The following TNN variants were observed in gnomAD, a reference collection of about 807,000 sequenced individuals.
The protein encoded by TNN is tenascin-N.
TNN carries 122 observed loss-of-function variants against 134.4 expected under a neutral mutation model. That is an observed-to-expected ratio of 0.91 (90% CI 0.78 to 1.06). TNN has a LOEUF of 1.06. Among genes scored for constraint, TNN ranks in the 50% least tolerant of loss-of-function variants. The pLI is 0.00. For missense variants in TNN, 1,739 were observed against 1,699.4 expected (o/e 1.02, Z -0.41); for synonymous variants, 710 against 670.3 (o/e 1.06, Z -0.91).
At chr1:175,119,539 C>A (rs1675288901) in intron 11 of TNN, among the ~76,000 whole-genome samples, 1 of 152,086 alleles carries the variant, frequency 6.6e-6, no homozygotes, top group Admixed American at 6.5e-5. Context: ...CTTATTTGAC[C>A]CAGTTCCTAT....
intron 4 of TNN, among the ~76,000 whole-genome samples, chr1:175,081,492 G>T (rs1674197636): frequency 6.6e-6 from 1 of 152,194 alleles, no homozygotes; most frequent in African/African-American, 2.4e-5. Flanking sequence ...GATACAGATG[G>T]ATGGAACTTT....
rs541582979 is a variant in TNN, at chr1:175,093,332, C to G, written c.1325-658C>G. ...GATATGTTCTTGGGAAGCACAGTCTCTAGGACACAGCTGGCATATTGTTCT... is the reference window on the plus strand; with the variant it reads ...GATATGTTCTTGGGAAGCACAGTCTGTAGGACACAGCTGGCATATTGTTCT... On this transcript the variant is annotated intron_variant, in intron 6 of 18. Coordinates refer to ENST00000239462, the MANE Select transcript of TNN (RefSeq NM_022093.2). Among the ~76,000 whole-genome samples, 4 of 152,326 alleles carry G rather than the reference C, an allele frequency of 2.6e-5. No homozygotes were observed. The East Asian group carries it at 7.7e-4, about 29-fold the overall frequency.
At chr1:175,118,516 T>C in intron 10 of TNN, 45 bp from the exon 11 acceptor site, 1 of 1,607,394 alleles carries the variant, frequency 6.2e-7, no homozygotes, top group Non-Finnish European at 8.5e-7. Context: ...TTCTGCACTC[T>C]GGCACCTGTT....
chr1:175,140,478 C>A (rs1675919775), intron 17 of TNN, among the ~76,000 whole-genome samples: 1 of 152,226 alleles, frequency 6.6e-6, no homozygotes, highest in African/African-American at 2.4e-5. Context: ...CATTTCCTTT[C>A]CCTTGGCCAT....
rs1390304710 is a variant in TNN at position 175,147,025 on chromosome 1, TG to T, written c.3857del (p.Gly1286AlafsTer7). 6.2e-7 allele frequency: 1 copy of T among 1,601,696 alleles called. No homozygotes were observed. The highest frequency in any genetic ancestry group is 2.2e-5 in the East Asian group (1 of 44,554). ...CATGGCTACAGCAGGGAGCCTGTCC[TG>T]GGCAGAAAGAAGCGGACGCTGAGAG... ...RPHGYSREPVLGRKKRTLRGR... is the reference protein window; with the variant it reads ...RPHGYSREPVXGRKKRTLRGR... On this transcript the variant is annotated frameshift_variant, in exon 19 of 19. Transcript: ENST00000239462. LOFTEE classifies it high-confidence loss of function.
At chr1:175,067,985 C>T (rs527994165) in intron 1 of TNN, 50 bp downstream of exon 1, 1 of 457,492 alleles carries the variant, frequency 2.2e-6, no homozygotes, top group South Asian at 1.5e-5. Context: ...AGGGAGGTGG[C>T]CAATGCAGAT....
Position 175,079,715 on chromosome 1 carries a change from C to T in TNN, c.784+8C>T, listed in dbSNP as rs371239016. The T allele has an allele frequency of 2.1e-4, 336 of 1,571,722 alleles. No individual in the cohort carries two copies. The African/African-American group carries it at 3.8e-3, about 18-fold the overall frequency. On this transcript the variant is annotated splice_region_variant and intron_variant, in intron 3 of 18. Transcript: ENST00000239462. ...GCCTGGACTGTGCCCAGGGTGAGAG[C>T]GGAGATGTGCCCTCGGGCCGCCGGA...
At chr1:175,094,278 T>C in intron 7 of TNN, 25 bp downstream of exon 7, 1 of 1,531,938 alleles carries the variant, frequency 6.5e-7, no homozygotes, top group Non-Finnish European at 8.8e-7. Flanking sequence ...GGAGCATAAA[T>C]AGGTTTCCTC....
intron 15 of TNN, 38 bp downstream of exon 15, chr1:175,128,784 C>G: frequency 6.4e-7 from 1 of 1,569,194 alleles, no homozygotes; most frequent in East Asian, 2.3e-5. Context: ...CTGTGTAGGG[C>G]CTTCCTTCTC....
intron 5 of TNN, among the ~76,000 whole-genome samples, chr1:175,085,053 A>C (rs1674292124): frequency 1.3e-5 from 2 of 152,218 alleles, no homozygotes; most frequent in South Asian, 4.1e-4. Context: ...GATGCTTTGG[A>C]AGGAAAAGGG....
intron 12 of TNN, among the ~76,000 whole-genome samples, chr1:175,126,159 T>C (rs1234425140): frequency 6.7e-6 from 1 of 149,052 alleles, no homozygotes; most frequent in East Asian, 1.9e-4. Context: ...TGGAGTGCAG[T>C]GACGTGATCT....
intron 6 of TNN, 115 bp from the exon 7 acceptor site, chr1:175,093,875 G>T: frequency 9.3e-7 from 1 of 1,079,916 alleles, no homozygotes; most frequent in East Asian, 2.5e-5. Context: ...AGACCCCCTT[G>T]TATTGCATAA....
At chr1:175,076,428 C>T (rs914418958) in intron 1 of TNN, among the ~76,000 whole-genome samples, 10 of 152,160 alleles carry the variant, frequency 6.6e-5, no homozygotes. Flanking sequence ...GGCTCACGGC[C>T]TAAGACAAGC....
At chr1:175,097,200 C>G (rs1674590952) in intron 7 of TNN, among the ~76,000 whole-genome samples, 1 of 152,182 alleles carries the variant, frequency 6.6e-6, no homozygotes, top group South Asian at 2.1e-4. Context: ...GATAAAGATG[C>G]TGGCTTTGTC....
At chr1:175,094,423 A>G (rs535372987) in intron 7 of TNN, among the ~76,000 whole-genome samples, 170 bp downstream of exon 7, 50 of 152,318 alleles carry the variant, frequency 3.3e-4, no homozygotes, top group African/African-American at 1.2e-3. Context: ...TTCCTTTTTA[A>G]CATCAAACAA....
chr1:175,111,146 C>T (rs1295354732), intron 9 of TNN, among the ~76,000 whole-genome samples: 2 of 152,078 alleles, frequency 1.3e-5, no homozygotes, highest in African/African-American at 2.4e-5. Flanking sequence ...GGTGAAACTC[C>T]GTCTCTACTA....
At chr1:175,107,028 C>T (rs115275658) in intron 9 of TNN, among the ~76,000 whole-genome samples, 5,480 of 145,906 alleles carry the variant, frequency 0.038, 640 homozygotes, top group African/African-American at 0.13. Flanking sequence ...CACTGCTTGG[C>T]GATTGGGAAA....
intron 12 of TNN, among the ~76,000 whole-genome samples, chr1:175,126,342 C>T (rs1002749253): frequency 2.0e-5 from 3 of 152,042 alleles, no homozygotes; most frequent in South Asian, 2.1e-4. Context: ...CCTTGTGATC[C>T]GCCTGCCTTG....
At chr1:175,082,036 C>A (rs527288411) in intron 4 of TNN, among the ~76,000 whole-genome samples, 2 of 152,166 alleles carry the variant, frequency 1.3e-5, no homozygotes, top group East Asian at 1.9e-4. Flanking sequence ...TTGATCTATG[C>A]GGTCACAGAG....
Sources: allele counts gnomAD v4.1 joint callset (sites outside exome capture counted in the v4.1 genomes callset), GRCh38; gene constraint gnomAD v4.1.1; transcripts MANE v1.5; gene names NCBI Gene and HGNC (gene_info 2026-07-23, HGNC 2026-07-21).